Variants in CFAP77 observed in about 807,000 individuals in gnomAD.
CFAP77 encodes the protein cilia- and flagella-associated protein 77.
Under a neutral mutation model 31.1 loss-of-function variants are expected in CFAP77, and 25 were observed. That is an observed-to-expected ratio of 0.80 (90% CI 0.59 to 1.12). CFAP77 has a LOEUF of 1.12. Ranked by LOEUF, CFAP77 falls within the 50% of genes most tolerant of loss-of-function variation. CFAP77 has a pLI of 0.00. For missense variants in CFAP77, 377 were observed against 397.3 expected (o/e 0.95, Z 0.44); for synonymous variants, 151 against 159.9 (o/e 0.94, Z 0.42).
intron 1 of CFAP77, among the ~76,000 whole-genome samples, chr9:132,420,254 G>T (rs978507915): frequency 1.3e-5 from 2 of 151,900 alleles, no homozygotes; most frequent in Admixed American, 1.3e-4. Flanking sequence ...TTTCCAGGCA[G>T]CGCAGACGGC....
At chr9:132,513,161 T>C (rs1852071066) in intron 3 of CFAP77, 2 of 1,291,392 alleles carry the variant, frequency 1.5e-6, no homozygotes, top group African/African-American at 3.0e-5. Flanking sequence ...ACAATCCAAT[T>C]CTACTCTTAG....
rs1269921105 is a variant in CFAP77 at position 132,486,098 on chromosome 9, T to TATTTTA, written c.196-12597_196-12596insATTTTA. 1.2e-4 allele frequency among the ~76,000 whole-genome samples: 10 copies of TATTTTA among 81,414 alleles called. 1 individual carries two copies. The highest frequency in any genetic ancestry group is 2.2e-4 in the Non-Finnish European group (10 of 45,028). 53.4% of individuals were successfully genotyped at this position (81,414 alleles called of 152,430 possible). ...TATATATATATATATATATTTTTTTTTTTTTTTTTTTTGAGACGGAGTCTT... is the reference window on the plus strand; with the variant it reads ...TATATATATATATATATATTTTTTTTATTTTATTTTTTTTTTTTGAGACGGAGTCTT... On this transcript the variant is annotated intron_variant, in intron 1 of 5. Transcript: ENST00000393216.
At chr9:132,531,635 G>C (rs900668753) in intron 3 of CFAP77, among the ~76,000 whole-genome samples, 1 of 141,802 alleles carries the variant, frequency 7.1e-6, no homozygotes, top group Non-Finnish European at 1.6e-5. Context: ...TGGGGGGGGG[G>C]GCATGGAAGG....
At chr9:132,537,940 T>C (rs1014012612) in intron 4 of CFAP77, among the ~76,000 whole-genome samples, 1 of 152,138 alleles carries the variant, frequency 6.6e-6, no homozygotes, top group African/African-American at 2.4e-5. Flanking sequence ...GTCCGGGCCA[T>C]CAGTCAATAG....
chr9:132,426,632 G>A (rs796670739), intron 1 of CFAP77, among the ~76,000 whole-genome samples: 39 of 152,244 alleles, frequency 2.6e-4, no homozygotes, highest in African/African-American at 8.7e-4. Context: ...AACCATCATC[G>A]TCTAAAGCAG....
intron 1 of CFAP77, among the ~76,000 whole-genome samples, chr9:132,478,039 C>T (rs1006353538): frequency 9.9e-5 from 15 of 151,864 alleles, no homozygotes; most frequent in Admixed American, 6.6e-4. Flanking sequence ...TTTTCCTTCT[C>T]GTCTACCCAA....
intron 1 of CFAP77, among the ~76,000 whole-genome samples, chr9:132,446,988 C>CA (rs1850734390): frequency 6.6e-6 from 1 of 152,138 alleles, no homozygotes; most frequent in Non-Finnish European, 1.5e-5. Context: ...CTCCTGGGCT[C>CA]AAGTGCTTCT....
At chr9:132,543,196 T>G (rs1461491516) in intron 5 of CFAP77, 149 bp downstream of exon 5, 2 of 663,216 alleles carry the variant, frequency 3.0e-6, no homozygotes, top group South Asian at 1.7e-5. Context: ...AGCTAATGTT[T>G]CCTGAGCACT....
rs1056834425 is a variant in CFAP77 at position 132,490,526 on chromosome 9, G to A, written c.196-8169G>A. 1.3e-5 allele frequency among the ~76,000 whole-genome samples: 2 copies of A among 152,142 alleles called. No individual in the cohort carries two copies. The highest frequency in any genetic ancestry group is 4.8e-5 in the African/African-American group (2 of 41,416). On this transcript the variant is annotated intron_variant, in intron 1 of 5. Transcript: ENST00000393216. The surrounding 1 kb of genome is among the most constrained non-coding windows in gnomAD (Gnocchi z 4.6). ...CCCCTCTGTCAGGCAGCTTTTCTCTGTAGGCTTCTAGAAGGCCCCACTGGA... is the reference window on the plus strand; with the variant it reads ...CCCCTCTGTCAGGCAGCTTTTCTCTATAGGCTTCTAGAAGGCCCCACTGGA...
chr9:132,548,329 G>A lies in CFAP77; in HGVS notation c.732+5282G>A, dbSNP rs1453718880. 9.1e-4 allele frequency among the ~76,000 whole-genome samples: 138 copies of A among 152,076 alleles called. 1 individual carries two copies. The highest frequency in any genetic ancestry group is 2.5e-4 in the Non-Finnish European group (17 of 67,966). ...TTTCTCTGATGCTCTTTTCTATATG[G>A]TTTGCATTTTTTTCAATGAGTAGAT... On this transcript the variant is annotated intron_variant, in intron 5 of 5. Coordinates refer to ENST00000393216, the MANE Select transcript of CFAP77 (RefSeq NM_001282957.2).
rs180923023 is a variant in CFAP77 at position 132,439,259 on chromosome 9, A to G, written c.195+28793A>G. ...TGTACCCAGCCCTGAGTCCTGAAGA[A>G]CAAGACCTGGCTCATGTGGGTAGAA... On this transcript the variant is annotated intron_variant, in intron 1 of 5. Coordinates refer to ENST00000393216, the MANE Select transcript of CFAP77 (RefSeq NM_001282957.2). Among the ~76,000 whole-genome samples, 6 of 152,310 alleles carry G rather than the reference A, an allele frequency of 3.9e-5. No homozygotes were observed. In the East Asian group the frequency reaches 7.7e-4, roughly 20 times the overall value.
chr9:132,461,317 C>T (rs1851046450), intron 1 of CFAP77, among the ~76,000 whole-genome samples: 1 of 152,226 alleles, frequency 6.6e-6, no homozygotes, highest in Non-Finnish European at 1.5e-5. Context: ...CAAGGGTGTG[C>T]CCGGGTTCTG....
At chr9:132,482,461 G>A (rs1183094184) in intron 1 of CFAP77, 4 of 1,524,746 alleles carry the variant, frequency 2.6e-6, no homozygotes, top group Non-Finnish European at 2.7e-6. Flanking sequence ...TGGAGAAAAA[G>A]GGGAAAAGAG....
chr9:132,468,684 G>A (rs973255662), intron 1 of CFAP77, among the ~76,000 whole-genome samples: 2 of 152,140 alleles, frequency 1.3e-5, no homozygotes, highest in African/African-American at 4.8e-5. Flanking sequence ...TGGGATGTAA[G>A]CATCGTGAAG....
At position 132,498,552 on chromosome 9, in the gene CFAP77, GCCAC is replaced by G; in HGVS notation, c.196-138_196-135del. On this transcript the variant is annotated intron_variant, in intron 1 of 5. Coordinates refer to ENST00000393216, the MANE Select transcript of CFAP77 (RefSeq NM_001282957.2). This position sits in a 1 kb window ranked among gnomAD's most constrained non-coding sequence, Gnocchi z 4.2. ...CTGCGCTCCTCCCAGGGAGGGCTCT[GCCAC>G]CCACTCCTGTGCCACCCTGAAGGCC... 1.6e-6 allele frequency: 1 copy of G among 634,554 alleles called. No individual in the cohort carries two copies. 39.3% of individuals were successfully genotyped at this position (634,554 alleles called of 1,614,324 possible).
In CFAP77 at chr9:132,440,550, G is replaced by A. The variant is rs987076695; in HGVS notation, c.195+30084G>A. Reference sequence around the variant, plus strand: ...TTGCCTGAAGTCACACTGCTAGTGAGTGGTGAAACCAAGATCTGAACCTCC... The same window carrying A: ...TTGCCTGAAGTCACACTGCTAGTGAATGGTGAAACCAAGATCTGAACCTCC... On this transcript the variant is annotated intron_variant, in intron 1 of 5. Coordinates refer to ENST00000393216, the MANE Select transcript of CFAP77 (RefSeq NM_001282957.2). Among the ~76,000 whole-genome samples, 9 of 152,302 alleles carry A rather than the reference G, an allele frequency of 5.9e-5. No homozygotes were observed. In the East Asian group the frequency reaches 1.4e-3, roughly 23 times the overall value.
intron 1 of CFAP77, among the ~76,000 whole-genome samples, chr9:132,433,994 C>G (rs2131694541): frequency 7.2e-6 from 1 of 138,816 alleles, no homozygotes; most frequent in East Asian, 2.0e-4. Flanking sequence ...AAAAAATTAG[C>G]TGGGCATGGT....
At chr9:132,526,630 G>A (rs981639715) in intron 3 of CFAP77, among the ~76,000 whole-genome samples, 10 of 145,864 alleles carry the variant, frequency 6.9e-5, no homozygotes, top group Non-Finnish European at 1.1e-4. Flanking sequence ...GAAAAAAAGA[G>A]AGAAGAATCA....
intron 1 of CFAP77, among the ~76,000 whole-genome samples, chr9:132,418,850 A>G (rs1019141223): frequency 6.6e-6 from 1 of 152,228 alleles, no homozygotes; most frequent in Non-Finnish European, 1.5e-5. Flanking sequence ...TTTCCTCAGC[A>G]TGAACTAATC....
Sources: gnomAD v4.1 joint callset for allele counts (sites outside exome capture counted in the v4.1 genomes callset) on GRCh38, gnomAD v4.1.1 for gene constraint, Gnocchi (gnomAD v3.1) non-coding constraint, MANE v1.5 for transcripts, NCBI Gene and HGNC (gene_info 2026-07-23, HGNC 2026-07-21) for gene names.